The following CIC variants were observed in gnomAD, a reference collection of about 807,000 sequenced individuals.
CIC encodes the protein capicua transcriptional repressor.
In CIC, 18 loss-of-function variants were observed where a neutral mutation model predicts 115.7. The ratio of observed to expected loss-of-function variants is 0.16; its 90% CI spans 0.11 to 0.23. CIC has a LOEUF of 0.23. Among genes scored for constraint, CIC ranks in the 10% least tolerant of loss-of-function variants. CIC has a pLI of 1.00. For missense variants in CIC, 2,000 were observed against 2,159.3 expected, an observed-to-expected ratio of 0.93 and a Z score of 1.46; for synonymous variants, 1,076 against 923.0, an observed-to-expected ratio of 1.17 and a Z score of -3.01.
chr19:42,290,322 G>T lies in CIC; in HGVS notation c.4281G>T (p.Pro1427=), dbSNP rs142884630. The T allele has an allele frequency of 6.2e-7, 1 of 1,613,876 alleles. No individual in the cohort carries two copies. Among genetic ancestry groups the T allele is most frequent in the African/African-American group, 1.3e-5 (1 of 74,852 alleles). The part of the protein sequence containing the change: ...PPLDPEPPGP[P]DPPVAFGKGY... ...TGGACCCTGAGCCCCCAGGGCCCCC[G>T]GATCCTCCTGTAGCCTTTGGCAAAG... is the stretch of plus-strand genomic sequence containing the variant. Residue 1427 remains proline (P), a synonymous_variant, in exon 11 of 21, where the codon CCG becomes CCT. Coordinates refer to ENST00000681038, the MANE Select transcript of CIC (RefSeq NM_001386298.1).
At position 42,289,236 on chromosome 19, in the gene CIC, C is replaced by G. The variant is rs1044700149; in HGVS notation, c.3917C>G (p.Ala1306Gly). The G allele has an allele frequency of 6.2e-7, 1 of 1,613,588 alleles. No homozygotes were observed. Among genetic ancestry groups the G allele is most frequent in the Non-Finnish European group, 8.5e-7 (1 of 1,180,030 alleles). The change falls in exon 9 of 21, where the codon GCT becomes GGT. Residue 1306 changes from alanine (A) to glycine (G), a missense_variant. By Grantham distance (60) the Ala-to-Gly change is moderately conservative. Transcript: ENST00000681038. Reference sequence around the variant, plus strand: ...CCAAAGCCTTCTACCCAGTATGGAGCTCCAGGACCCTTTGCAGCCCCTGGT... The same window carrying G: ...CCAAAGCCTTCTACCCAGTATGGAGGTCCAGGACCCTTTGCAGCCCCTGGT... ...SGPKPSTQYGAPGPFAAPGEG... is the reference protein window; with the variant it reads ...SGPKPSTQYGGPGPFAAPGEG...
At position 42,294,794 on chromosome 19, in the gene CIC, C is replaced by T. The variant is rs749658400; in HGVS notation, c.7187-30C>T. ...GTGGGACTTATCTGTACATCTCATC[C>T]TGTGCTCCCCACCGTTTTTCTATCT... is the stretch of plus-strand genomic sequence containing the variant. On this transcript the variant is annotated intron_variant, in intron 20 of 20. Coordinates refer to ENST00000681038, the MANE Select transcript of CIC (RefSeq NM_001386298.1). 3.7e-6 allele frequency: 6 copies of T among 1,607,174 alleles called. No homozygotes were observed. The Admixed American group carries it at 6.7e-5, about 18-fold the overall frequency.
At chr19:42,283,968 C>G (rs1031852724) in intron 2 of CIC, 2 of 149,398 alleles carry the variant, frequency 1.3e-5, no homozygotes, top group Admixed American at 6.6e-5. Context: ...TGGGCTCACG[C>G]GCGGGGGGCC....
At chr19:42,289,494 C>T in intron 9 of CIC, 88 bp downstream of exon 9, 2 of 1,400,284 alleles carry the variant, frequency 1.4e-6, no homozygotes, top group Admixed American at 2.0e-5. Flanking sequence ...GGCCCCTAGG[C>T]CCCTTTGTTT....
At chr19:42,275,768 C>T (rs1457771993) in intron 2 of CIC, among the ~76,000 whole-genome samples, 1 of 152,198 alleles carries the variant, frequency 6.6e-6, no homozygotes, top group Non-Finnish European at 1.5e-5. Flanking sequence ...CCTGTCTTGG[C>T]CTCCCAAAAT....
rs1372522046 is a variant in CIC, at chr19:42,271,939, A to G, written c.156A>G (p.Pro52=). Residue 52 remains proline (P), a synonymous_variant, in exon 2 of 21, where the codon CCA becomes CCG. Coordinates refer to ENST00000681038, the MANE Select transcript of CIC (RefSeq NM_001386298.1). ...EEDDEAQQPQ[P]QSGPEEAEEG... is the part of the protein sequence containing the mutation. Reference sequence around the variant, plus strand: ...ATGACGAGGCACAGCAGCCGCAACCACAGTCCGGGCCCGAAGAGGCTGAGG... The same window carrying G: ...ATGACGAGGCACAGCAGCCGCAACCGCAGTCCGGGCCCGAAGAGGCTGAGG... 3 of 399,412 alleles carry G rather than the reference A, an allele frequency of 7.5e-6. No homozygotes were observed. The East Asian group carries it at 1.1e-4, about 14-fold the overall frequency. The allele number at this position is 399,412 out of a possible 1,614,324, so 24.7% of individuals were successfully genotyped here. A position where few individuals can be genotyped will look rare whatever the true frequency, so the allele number is the denominator to read the frequency against.
rs773155801 is a variant in CIC, at chr19:42,290,577, C to G, written c.4536C>G (p.Pro1512=). Residue 1512 remains proline, a synonymous_variant, in exon 11 of 21, where the codon CCC becomes CCG. Coordinates refer to ENST00000681038, the MANE Select transcript of CIC (RefSeq NM_001386298.1). ...CTGCCACCTTCCGGCGCAAGAGACC[C>G]GAAAGTGTGGGTGGCCTGGAGCCAC... ...MDPATFRRKR[P]ESVGGLEPPG... is the part of the protein sequence containing the mutation. The G allele has an allele frequency of 2.5e-6, 4 of 1,613,766 alleles. No homozygotes were observed. The highest frequency in any genetic ancestry group is 4.5e-5 in the East Asian group (2 of 44,864).
Position 42,289,858 on chromosome 19 carries a change from C to T in CIC, c.4098C>T (p.Gly1366=), listed in dbSNP as rs1455463942. The change falls in exon 10 of 21, where the codon GGC becomes GGT. Residue 1366 remains glycine, a synonymous_variant. Coordinates refer to ENST00000681038, the MANE Select transcript of CIC (RefSeq NM_001386298.1). ...EGDDDVIADD[G]FGTTDIDLKC... is the part of the protein sequence containing the mutation. ...CCTCCACTCCCTCAGCTGACGATGGCTTCGGCACCACTGACATTGATCTCA... is the reference window on the plus strand; with the variant it reads ...CCTCCACTCCCTCAGCTGACGATGGTTTCGGCACCACTGACATTGATCTCA... 6.2e-6 allele frequency: 10 copies of T among 1,603,134 alleles called. No individual in the cohort carries two copies. The highest frequency in any genetic ancestry group is 6.8e-6 in the Non-Finnish European group (8 of 1,175,062).
Position 42,272,026 on chromosome 19 carries a change from C to A in CIC, c.243C>A (p.His81Gln). The A allele has an allele frequency of 2.5e-6, 1 of 398,932 alleles. No individual in the cohort carries two copies. Among genetic ancestry groups the A allele is most frequent in the Non-Finnish European group, 4.4e-6 (1 of 226,248 alleles). 24.7% of individuals were successfully genotyped at this position (398,932 alleles called of 1,614,324 possible). A position where few individuals can be genotyped will look rare whatever the true frequency, so the allele number is the denominator to read the frequency against. Reference sequence around the variant, plus strand: ...CTGAAGGTCCTCCACTGGAGCTGCACCCTGGCGACCCGGCTCCAGGCCCAG... The same window carrying A: ...CTGAAGGTCCTCCACTGGAGCTGCAACCTGGCGACCCGGCTCCAGGCCCAG... The part of the protein sequence containing the change: ...PGAEGPPLEL[H>Q]PGDPAPGPAE... The change falls in exon 2 of 21, where the codon CAC (histidine) becomes CAA (glutamine). Residue 81 changes from histidine to glutamine, a missense_variant. By Grantham distance (24) the His-to-Gln change is conservative. This residue lies in a region of CIC where 222 missense variants were observed against 247.7 expected (regional missense o/e 0.90). Transcript: ENST00000681038.
intron 2 of CIC, chr19:42,284,574 G>C (rs1044079355): frequency 9.1e-6 from 3 of 329,768 alleles, no homozygotes; most frequent in East Asian, 5.2e-5. Context: ...CGGCGGGGGG[G>C]GGGGCATGCG....
chr19:42,284,405 C>T (rs2037449619), intron 2 of CIC: 1 of 145,684 alleles, frequency 6.9e-6, no homozygotes, highest in Non-Finnish European at 1.5e-5. Context: ...TGCCGATGGC[C>T]CCCGTGCCGC....
At position 42,290,242 on chromosome 19, in the gene CIC, C is replaced by T. The variant is rs373584239; in HGVS notation, c.4201C>T (p.Arg1401Trp). 2.5e-6 allele frequency: 4 copies of T among 1,613,938 alleles called. No homozygotes were observed. Among genetic ancestry groups the T allele is most frequent in the Admixed American group, 3.3e-5 (2 of 59,996 alleles). ...EDPEGNKGFG[R>W]KVFSPVIRSS... ...CCTTCCTTTCATGCAGGGCTTTGGT[C>T]GGAAGGTGTTTTCACCTGTGATCCG... Residue 1401 changes from arginine (R) to tryptophan (W), a missense_variant, in exon 11 of 21, where the codon CGG (arginine) becomes TGG (tryptophan). Arg to Trp is a moderately radical substitution (Grantham distance 101). Coordinates refer to ENST00000681038, the MANE Select transcript of CIC (RefSeq NM_001386298.1).
chr19:42,272,739 A>C lies in CIC; in HGVS notation c.956A>C (p.Gln319Pro), dbSNP rs531759879. The C allele has an allele frequency of 2.8e-5, 11 of 398,850 alleles. No individual in the cohort carries two copies. In the East Asian group the frequency reaches 3.6e-4, roughly 13 times the overall value. 24.7% of individuals were successfully genotyped at this position (398,850 alleles called of 1,614,324 possible). A position where few individuals can be genotyped will look rare whatever the true frequency, so the allele number is the denominator to read the frequency against. The change falls in exon 2 of 21, where the codon CAG becomes CCG. Residue 319 changes from glutamine to proline, a missense_variant. This residue lies in a region of CIC where 222 missense variants were observed against 247.7 expected (regional missense o/e 0.90). Transcript: ENST00000681038. ...CCAGGCAGCCTCCCGCAGCCCCCACAGCCACTGCACCGTGAGCCAGAGGAG... is the reference window on the plus strand; with the variant it reads ...CCAGGCAGCCTCCCGCAGCCCCCACCGCCACTGCACCGTGAGCCAGAGGAG... ...GLPGSLPQPP[Q>P]PLHREPEEAV...
At position 42,280,141 on chromosome 19, in the gene CIC, C is replaced by G. The variant is rs2037159717; in HGVS notation, c.2794+5564C>G. On this transcript the variant is annotated intron_variant, in intron 2 of 20. Coordinates refer to ENST00000681038, the MANE Select transcript of CIC (RefSeq NM_001386298.1). This position sits in a 1 kb window ranked among gnomAD's most constrained non-coding sequence, Gnocchi z 4.9. ...TGCACCGCAGGCGGCTGGACCCTAG[C>G]CCGCCGCGCCGCCTCCTCCACCCCC... 6.6e-6 allele frequency: 1 copy of G among 152,154 alleles called. No homozygotes were observed. Among genetic ancestry groups the G allele is most frequent in the Admixed American group, 6.5e-5 (1 of 15,278 alleles). The allele number at this position is 152,154 out of a possible 1,614,324, so 9.4% of individuals were successfully genotyped here.
rs1428738767 is a variant in CIC, at chr19:42,287,479, C to T, written c.3309+30C>T. ...TTTATCCCTGCCTGTCCTGTGCTCA[C>T]CCCGTGGCCACCCACACCTGTCTGC... On this transcript the variant is annotated intron_variant, in intron 5 of 20. Transcript: ENST00000681038. The surrounding 1 kb of genome is among the most constrained non-coding windows in gnomAD (Gnocchi z 8.7). 1.9e-6 allele frequency: 3 copies of T among 1,612,322 alleles called. No individual in the cohort carries two copies. The highest frequency in any genetic ancestry group is 1.7e-5 in the Admixed American group (1 of 60,028).
upstream of CIC, among the ~76,000 whole-genome samples, chr19:42,268,771 G>C (rs1408792133): frequency 2.0e-5 from 3 of 152,196 alleles, no homozygotes; most frequent in South Asian, 2.1e-4. Flanking sequence ...AGAAGACTAC[G>C]GTTCCCAGCA....
At position 42,290,416 on chromosome 19, in the gene CIC, T is replaced by C. The variant is rs763395055; in HGVS notation, c.4375T>C (p.Phe1459Leu). ...CTCCTCAGCCTCGGCAGCCACCTCC[T>C]TCTCACTGGGCTCAGGAACCTTCAA... is the stretch of plus-strand genomic sequence containing the variant. Reference protein sequence around the residue: ...ASSSASAATSFSLGSGTFKAQ... With the variant: ...ASSSASAATSLSLGSGTFKAQ... The change falls in exon 11 of 21, where the codon TTC becomes CTC. Residue 1459 changes from phenylalanine to leucine, a missense_variant. Physicochemically the swap from Phe to Leu is conservative, Grantham distance 22. Around this residue, in one of 8 missense-constraint regions of CIC, gnomAD observed 1,466 missense variants for 1,390.4 expected, o/e 1.05. Transcript: ENST00000681038. 1 of 1,613,942 alleles carries C rather than the reference T, an allele frequency of 6.2e-7. No individual in the cohort carries two copies. The highest frequency in any genetic ancestry group is 8.5e-7 in the Non-Finnish European group (1 of 1,179,864).
intron 19 of CIC, 36 bp downstream of exon 19, chr19:42,294,340 C>T (rs2038364138): frequency 1.9e-6 from 3 of 1,609,930 alleles, no homozygotes; most frequent in African/African-American, 1.3e-5. Flanking sequence ...GGCCTGGGGA[C>T]CTGCAAGAGG....
intron 7 of CIC, among the ~76,000 whole-genome samples, chr19:42,288,415 CT>C (rs766489177): frequency 2.9e-4 from 44 of 152,348 alleles, no homozygotes; most frequent in Non-Finnish European, 5.1e-4. Flanking sequence ...GCAAACACCC[CT>C]GATGGGCTGC....
Sources: gnomAD v4.1 joint callset for allele counts (sites outside exome capture counted in the v4.1 genomes callset) on GRCh38, gnomAD v4.1.1 for gene constraint, gnomAD v4.1.1 regional missense constraint, Gnocchi (gnomAD v3.1) non-coding constraint, MANE v1.5 for transcripts, NCBI Gene and HGNC (gene_info 2026-07-23, HGNC 2026-07-21) for gene names.